RGPD2: variants seen among roughly 807,000 people sequenced by gnomAD.
RGPD2 encodes the protein RANBP2-like and GRIP domain-containing protein 2.
In RGPD2, 2 loss-of-function variants were observed where a neutral mutation model predicts 36.0. The ratio of observed to expected loss-of-function variants is 0.06; its 90% CI spans 0.02 to 0.17. The LOEUF (loss-of-function observed/expected upper bound fraction) is 0.17, where lower values mean the gene tolerates loss of function less well. Among genes scored for constraint, RGPD2 ranks in the 10% least tolerant of loss-of-function variants. The probability of loss-of-function intolerance (pLI) is 1.00; values close to 1 mark genes in which losing one functional copy is unlikely to be tolerated. For missense variants in RGPD2, 40 were observed against 464.3 expected (o/e 0.09, Z 8.40); for synonymous variants, 19 against 163.8 (o/e 0.12, Z 6.75).
chr2:87,841,844 CA>C, the RGPD2 span, among the ~76,000 whole-genome samples: 2 of 143,512 alleles, frequency 1.4e-5, no homozygotes, highest in African/African-American at 5.3e-5. Flanking sequence ...AGCAGCACAT[CA>C]AAAAGCTTAT....
At chr2:87,845,830 C>T in the RGPD2 span, among the ~76,000 whole-genome samples, 2 of 151,942 alleles carry the variant, frequency 1.3e-5, no homozygotes, top group Non-Finnish European at 2.9e-5. Flanking sequence ...AAGACTTTTG[C>T]TTTAAGATAA....
the RGPD2 span, among the ~76,000 whole-genome samples, chr2:87,966,491 C>T: frequency 6.7e-6 from 1 of 149,676 alleles, no homozygotes; most frequent in Non-Finnish European, 1.5e-5. Context: ...CCCTATGTCC[C>T]TGAGCTTAAC....
chr2:87,977,476 A>G, the RGPD2 span, among the ~76,000 whole-genome samples: 1 of 151,194 alleles, frequency 6.6e-6, no homozygotes, highest in Non-Finnish European at 1.5e-5. Context: ...GGATTTTTTT[A>G]ATTATTCATC....
chr2:87,841,615 G>A, the RGPD2 span, among the ~76,000 whole-genome samples: 7 of 151,814 alleles, frequency 4.6e-5, no homozygotes, highest in Middle Eastern at 3.4e-3. Flanking sequence ...ATTCACAGTC[G>A]AATTCTACCA....
At chr2:87,986,589 G>C in the RGPD2 span, among the ~76,000 whole-genome samples, 1 of 151,888 alleles carries the variant, frequency 6.6e-6, no homozygotes, top group African/African-American at 2.4e-5. Flanking sequence ...CAAATTAAAA[G>C]TCACTATGGG....
At chr2:87,911,132 C>T in the RGPD2 span, among the ~76,000 whole-genome samples, 1 of 120,364 alleles carries the variant, frequency 8.3e-6, no homozygotes, top group Non-Finnish European at 1.7e-5. Context: ...ACAGGGAATG[C>T]TGAAATTATT....
At chr2:87,972,786 G>A in the RGPD2 span, 1 of 1,611,700 alleles carries the variant, frequency 6.2e-7, no homozygotes, top group Non-Finnish European at 8.5e-7. Flanking sequence ...GGTCACTGCT[G>A]CAGGGAGACT....
chr2:87,857,560 TC>T, the RGPD2 span, among the ~76,000 whole-genome samples: 1 of 150,454 alleles, frequency 6.6e-6, no homozygotes, highest in African/African-American at 2.4e-5. Flanking sequence ...GCCAGGATGG[TC>T]TCGATCTCCT....
In RGPD2 at chr2:87,759,000, T is replaced by C. The variant is rs1435204192; in HGVS notation, c.5237-1574A>G. Among the ~76,000 whole-genome samples, 7 of 144,018 alleles carry C rather than the reference T, an allele frequency of 4.9e-5. No homozygotes were observed. In the East Asian group the frequency reaches 1.4e-3, roughly 29 times the overall value. The allele number at this position is 144,018 out of a possible 152,430, so 94.5% of individuals were successfully genotyped here. A position where few individuals can be genotyped will look rare whatever the true frequency, so the allele number is the denominator to read the frequency against. On this transcript the variant is annotated intron_variant, in intron 22 of 22. Coordinates refer to ENST00000398146, the MANE Select transcript of RGPD2 (RefSeq NM_001078170.3). ...GGAAAGGAGCAAAACTTTGCTCAGA[T>C]CCCAGAATTAACCTGATTTTTTTTT...
the RGPD2 span, among the ~76,000 whole-genome samples, chr2:87,974,694 G>A: frequency 6.6e-6 from 1 of 152,136 alleles, no homozygotes; most frequent in Non-Finnish European, 1.5e-5. Flanking sequence ...AATGCCTTTG[G>A]TCAAGTCCTC....
At chr2:87,978,812 G>A in the RGPD2 span, among the ~76,000 whole-genome samples, 1 of 140,716 alleles carries the variant, frequency 7.1e-6, no homozygotes, top group African/African-American at 2.6e-5. Context: ...CTAGCCACTT[G>A]GAGGCTGAGG....
the RGPD2 span, among the ~76,000 whole-genome samples, chr2:87,959,056 AT>A: frequency 1.8e-4 from 4 of 21,926 alleles, 2 homozygotes; most frequent in Non-Finnish European, 2.7e-4. Flanking sequence ...ATATATATAT[AT>A]TTTTTTTAAG....
the RGPD2 span, among the ~76,000 whole-genome samples, chr2:87,951,312 T>C: frequency 2.3e-3 from 348 of 151,502 alleles, 1 homozygote; most frequent in African/African-American, 8.2e-3. Flanking sequence ...ACCAAGAACA[T>C]GCGTACCAAC....
At chr2:87,970,608 TG>T in the RGPD2 span, among the ~76,000 whole-genome samples, 1 of 104,588 alleles carries the variant, frequency 9.6e-6, no homozygotes, top group Non-Finnish European at 1.9e-5. Context: ...TACTCTATGA[TG>T]ATGATACCGA....
At chr2:87,856,764 A>G in the RGPD2 span, among the ~76,000 whole-genome samples, 13 of 152,204 alleles carry the variant, frequency 8.5e-5, no homozygotes, top group African/African-American at 3.1e-4. Context: ...AATACCAGAT[A>G]GCTATGTATA....
the RGPD2 span, among the ~76,000 whole-genome samples, chr2:87,835,989 T>A: frequency 2.1e-5 from 3 of 145,166 alleles, no homozygotes; most frequent in East Asian, 6.2e-4. Flanking sequence ...TCTTTTTATA[T>A]CTTCTGCTTC....
At chr2:87,963,584 G>A in the RGPD2 span, among the ~76,000 whole-genome samples, 28 of 62,308 alleles carry the variant, frequency 4.5e-4, no homozygotes, top group Non-Finnish European at 6.7e-4. Context: ...GGAGACTGAA[G>A]CAGGAGGATC....
chr2:87,834,410 T>C, the RGPD2 span, among the ~76,000 whole-genome samples: 2 of 152,010 alleles, frequency 1.3e-5, no homozygotes, highest in East Asian at 3.9e-4. Context: ...GAATTAAAGC[T>C]CTCCTTATAT....
chr2:87,935,857 ATATTATAAAATGGTAAGT>A, the RGPD2 span, among the ~76,000 whole-genome samples: 10 of 114,872 alleles, frequency 8.7e-5, no homozygotes, highest in South Asian at 3.2e-3. Context: ...TATCAAGAAT[ATATTATAAAATGGTAAGT>A]TCAAGAGTAT....
Sources: allele counts gnomAD v4.1 joint callset (sites outside exome capture counted in the v4.1 genomes callset), GRCh38; gene constraint gnomAD v4.1.1; transcripts MANE v1.5; gene names NCBI Gene and HGNC (gene_info 2026-07-23, HGNC 2026-07-21).